The following RAB31 variants were observed in gnomAD, a reference collection of about 807,000 sequenced individuals.
The protein encoded by RAB31 is RAB31, member RAS oncogene family.
A neutral mutation model predicts 25.6 loss-of-function variants in RAB31; 21 were observed. That is an observed-to-expected ratio of 0.82 (90% CI 0.58 to 1.18). RAB31 has a LOEUF of 1.18. RAB31 is among the 50% of genes most tolerant of loss of function. RAB31 has a pLI of 0.00. For synonymous variants in RAB31, 87 were observed against 84.0 expected, an observed-to-expected ratio of 1.04 and a Z score of -0.20; for missense variants, 196 against 250.1, an observed-to-expected ratio of 0.78 and a Z score of 1.46.
chr18:9,813,410 A>G (rs2068584951), intron 3 of RAB31, among the ~76,000 whole-genome samples: 1 of 152,226 alleles, frequency 6.6e-6, no homozygotes, highest in Non-Finnish European at 1.5e-5. Context: ...TATATTAGAG[A>G]AATGATGAGC....
rs756730406 is a variant in RAB31, at chr18:9,859,342, C to T, written c.*17C>T. The T allele has an allele frequency of 6.3e-6, 10 of 1,595,420 alleles. No homozygotes were observed. Among genetic ancestry groups the T allele is most frequent in the African/African-American group, 4.0e-5 (3 of 74,368 alleles). ...TGCTGTTGACCCAAGGGCCGTGGTCCACGGTACTTGAAGAAGCCAGAGCCC... is the reference window on the plus strand; with the variant it reads ...TGCTGTTGACCCAAGGGCCGTGGTCTACGGTACTTGAAGAAGCCAGAGCCC... On this transcript the variant is annotated 3_prime_UTR_variant, in exon 7 of 7. Transcript: ENST00000578921.
chr18:9,854,356 C>T (rs1245997552), intron 6 of RAB31, among the ~76,000 whole-genome samples: 1 of 152,148 alleles, frequency 6.6e-6, no homozygotes, highest in Non-Finnish European at 1.5e-5. Context: ...TCCCCTGATT[C>T]CCCTCGTGCA....
At chr18:9,779,329 A>G (rs2068390164) in intron 2 of RAB31, among the ~76,000 whole-genome samples, 1 of 152,234 alleles carries the variant, frequency 6.6e-6, no homozygotes, top group Admixed American at 6.5e-5. Context: ...TCAATCCCGT[A>G]TTCTTCAATT....
rs528956248 is a variant in RAB31, at chr18:9,724,989, C to T, written c.39+16545C>T. On this transcript the variant is annotated intron_variant, in intron 1 of 6. Coordinates refer to ENST00000578921, the MANE Select transcript of RAB31 (RefSeq NM_006868.4). The stretch of plus-strand genomic sequence containing the variant: ...TTGCTTACCTGTCTGGTGAGCGGAC[C>T]GGGCAGGCTGGGTCGGTTGGGTGCT... Among the ~76,000 whole-genome samples, 30 of 152,264 alleles carry T rather than the reference C, an allele frequency of 2.0e-4. No homozygotes were observed. In the East Asian group the frequency reaches 5.4e-3, roughly 27 times the overall value.
chr18:9,738,016 G>A (rs2068159270), intron 1 of RAB31, among the ~76,000 whole-genome samples: 1 of 152,188 alleles, frequency 6.6e-6, no homozygotes, highest in African/African-American at 2.4e-5. Context: ...GCTTGCTGCT[G>A]TGGCAACCCC....
At chr18:9,824,007 T>A (rs2068636480) in intron 5 of RAB31, among the ~76,000 whole-genome samples, 1 of 152,208 alleles carries the variant, frequency 6.6e-6, no homozygotes, top group Non-Finnish European at 1.5e-5. Context: ...TGCTCCAGAT[T>A]CTGCCTGCTG....
At chr18:9,799,643 C>T (rs185666646) in intron 3 of RAB31, among the ~76,000 whole-genome samples, 56 of 152,210 alleles carry the variant, frequency 3.7e-4, no homozygotes, top group South Asian at 4.1e-4. Context: ...ACTACAGGTG[C>T]GCCACCGTGC....
intron 6 of RAB31, among the ~76,000 whole-genome samples, chr18:9,852,643 A>G (rs1300501953): frequency 1.3e-5 from 2 of 150,484 alleles, no homozygotes; most frequent in East Asian, 2.0e-4. Context: ...ACCACAATTT[A>G]TTAATCTATT....
chr18:9,753,857 C>T (rs534680262), intron 1 of RAB31, among the ~76,000 whole-genome samples: 1 of 152,160 alleles, frequency 6.6e-6, no homozygotes, highest in Non-Finnish European at 1.5e-5. Context: ...TGTTTGTGCT[C>T]TACGAGCTGT....
rs567363587 is a variant in RAB31, at chr18:9,787,219, C to T, written c.120-4935C>T. ...AAGTATGGGACTTACTTAATCTATT[C>T]TTCCTTACACAAGAACAGAAAGCAC... is the stretch of plus-strand genomic sequence containing the variant. On this transcript the variant is annotated intron_variant, in intron 2 of 6. Transcript: ENST00000578921. The T allele has an allele frequency of 2.0e-4, 44 of 218,730 alleles. No individual in the cohort carries two copies. The South Asian group carries it at 3.5e-3, about 18-fold the overall frequency. The allele number at this position is 218,730 out of a possible 1,614,324, so 13.5% of individuals were successfully genotyped here.
At chr18:9,735,579 G>A (rs987626550) in intron 1 of RAB31, 7 of 187,002 alleles carry the variant, frequency 3.7e-5, no homozygotes, top group South Asian at 1.1e-4. Context: ...TGAAGTTTCC[G>A]GCTCTTCCTC....
intron 3 of RAB31, among the ~76,000 whole-genome samples, chr18:9,793,111 T>C (rs2068469630): frequency 6.6e-6 from 1 of 152,204 alleles, no homozygotes; most frequent in Non-Finnish European, 1.5e-5. Flanking sequence ...TCTTGCTGTG[T>C]CTCCCAGGCT....
chr18:9,715,575 C>G (rs1201749876), intron 1 of RAB31, among the ~76,000 whole-genome samples: 22 of 148,920 alleles, frequency 1.5e-4, no homozygotes, highest in Non-Finnish European at 2.1e-4. Context: ...TGTCAACCAG[C>G]CTGGGGTGCA....
At chr18:9,755,759 C>T (rs1441784390) in intron 1 of RAB31, among the ~76,000 whole-genome samples, 1 of 152,206 alleles carries the variant, frequency 6.6e-6, no homozygotes, top group Non-Finnish European at 1.5e-5. Context: ...CACACCCCCT[C>T]TCTCCTTTGA....
intron 6 of RAB31, among the ~76,000 whole-genome samples, chr18:9,852,362 A>T (rs959751643): frequency 2.0e-5 from 3 of 152,246 alleles, no homozygotes; most frequent in African/African-American, 7.2e-5. Context: ...AAATTTCCAA[A>T]AAGTTCATAG....
rs2067998065 is a variant in RAB31 at position 9,708,532 on chromosome 18, T to C, written c.39+88T>C. 1.7e-6 allele frequency: 2 copies of C among 1,180,474 alleles called. No individual in the cohort carries two copies. Among genetic ancestry groups the C allele is most frequent in the Admixed American group, 2.9e-5 (1 of 34,250 alleles). The allele number at this position is 1,180,474 out of a possible 1,614,324, so 73.1% of individuals were successfully genotyped here. A position where few individuals can be genotyped will look rare whatever the true frequency, so the allele number is the denominator to read the frequency against. ...CTATTCCCTGCGCGCTCAGTCCCCGTGATCCCCTCGCTCTCCGCACCCCTC... is the reference window on the plus strand; with the variant it reads ...CTATTCCCTGCGCGCTCAGTCCCCGCGATCCCCTCGCTCTCCGCACCCCTC... On this transcript the variant is annotated intron_variant, in intron 1 of 6. Coordinates refer to ENST00000578921, the MANE Select transcript of RAB31 (RefSeq NM_006868.4). The surrounding 1 kb of genome is among the most constrained non-coding windows in gnomAD (Gnocchi z 6.4).
At position 9,859,334 on chromosome 18, in the gene RAB31, C is replaced by A. The variant is rs2068835634; in HGVS notation, c.*9C>A. 1 of 1,602,142 alleles carries A rather than the reference C, an allele frequency of 6.2e-7. No individual in the cohort carries two copies. On this transcript the variant is annotated 3_prime_UTR_variant, in exon 7 of 7. Transcript: ENST00000578921. Reference sequence around the variant, plus strand: ...GCCGCCGGTGCTGTTGACCCAAGGGCCGTGGTCCACGGTACTTGAAGAAGC... The same window carrying A: ...GCCGCCGGTGCTGTTGACCCAAGGGACGTGGTCCACGGTACTTGAAGAAGC...
chr18:9,731,321 A>C (rs1478625062), intron 1 of RAB31, among the ~76,000 whole-genome samples: 1 of 152,058 alleles, frequency 6.6e-6, no homozygotes. Context: ...CTTTTCTTCC[A>C]TTTTGCTGTT....
intron 1 of RAB31, among the ~76,000 whole-genome samples, chr18:9,734,661 C>CG: frequency 6.6e-6 from 1 of 152,236 alleles, no homozygotes; most frequent in East Asian, 1.9e-4. Context: ...GCCACCCCTG[C>CG]GGGGGAGCAG....
Sources: allele counts gnomAD v4.1 joint callset (sites outside exome capture counted in the v4.1 genomes callset), GRCh38; gene constraint gnomAD v4.1.1; non-coding constraint Gnocchi (gnomAD v3.1); transcripts MANE v1.5; gene names NCBI Gene and HGNC (gene_info 2026-07-23, HGNC 2026-07-21).